SLC3A1: variants seen among roughly 807,000 people sequenced by gnomAD.
SLC3A1 encodes the protein solute carrier family 3 member 1.
A neutral mutation model predicts 60.3 loss-of-function variants in SLC3A1; 78 were observed. The ratio of observed to expected loss-of-function variants is 1.29; its 90% CI spans 1.08 to 1.56. SLC3A1 has a LOEUF of 1.56. Among genes scored for constraint, SLC3A1 ranks in the 40% most tolerant of loss-of-function variants. The pLI is 0.00. For missense variants in SLC3A1, 1,172 were observed against 858.9 expected (o/e 1.36, Z -4.56); for synonymous variants, 392 against 307.9 (o/e 1.27, Z -2.86).
intron 9 of SLC3A1, chr2:44,319,111 T>G (rs1672699388): frequency 6.6e-6 from 1 of 152,624 alleles, no homozygotes; most frequent in African/African-American, 2.4e-5. Flanking sequence ...ATCATAAATA[T>G]CTTTGTACCT....
chr2:44,278,371 C>A (rs536540250), intron 1 of SLC3A1, among the ~76,000 whole-genome samples: 148 of 152,126 alleles, frequency 9.7e-4, no homozygotes, highest in African/African-American at 3.4e-3. Context: ...TGGCGTGAAC[C>A]CAGGAGGCGG....
At chr2:44,305,427 CTTT>C (rs139686441) in intron 7 of SLC3A1, among the ~76,000 whole-genome samples, 2,670 of 115,868 alleles carry the variant, frequency 0.023, 69 homozygotes, top group African/African-American at 0.077. Flanking sequence ...TCTTTTCTTA[CTTT>C]TTTTTTTTTT....
At chr2:44,310,177 G>C (rs1010159485) in intron 7 of SLC3A1, among the ~76,000 whole-genome samples, 1 of 152,190 alleles carries the variant, frequency 6.6e-6, no homozygotes, top group Non-Finnish European at 1.5e-5. Flanking sequence ...ACAGGTGTGA[G>C]CCACTGTGCC....
At chr2:44,284,471 A>T (rs1671569019) in intron 3 of SLC3A1, among the ~76,000 whole-genome samples, 1 of 152,214 alleles carries the variant, frequency 6.6e-6, no homozygotes, top group African/African-American at 2.4e-5. Flanking sequence ...TCATTATCAA[A>T]ATGGTTGTAC....
At chr2:44,321,819 T>C (rs1255718090), downstream of SLC3A1, 3 of 1,613,710 alleles carry the variant, frequency 1.9e-6, no homozygotes, top group Admixed American at 1.7e-5. Flanking sequence ...AGGGCCTTGA[T>C]AACATACCTT....
intron 6 of SLC3A1, among the ~76,000 whole-genome samples, chr2:44,302,699 G>A (rs750349473): frequency 4.6e-5 from 7 of 152,190 alleles, no homozygotes; most frequent in Non-Finnish European, 8.8e-5. Flanking sequence ...CAATAATAAG[G>A]CAAGATGTTA....
chr2:44,303,990 G>A, intron 6 of SLC3A1, 153 bp from the exon 7 acceptor site: 1 of 717,790 alleles, frequency 1.4e-6, no homozygotes, highest in Non-Finnish European at 2.6e-6. Context: ...TTTGGTGACA[G>A]CTTGATTATG....
intron 9 of SLC3A1, chr2:44,318,080 A>G (rs1439562589): frequency 2.3e-6 from 1 of 438,800 alleles, no homozygotes; most frequent in African/African-American, 2.2e-5. Context: ...ATAATACTTA[A>G]AGGATCTCAA....
intron 8 of SLC3A1, among the ~76,000 whole-genome samples, chr2:44,313,437 A>G (rs1672348099): frequency 6.6e-6 from 1 of 152,216 alleles, no homozygotes; most frequent in African/African-American, 2.4e-5. Flanking sequence ...ATCAGGCTGA[A>G]TAAACGAGTA....
chr2:44,299,926 A>AT (rs761432607), intron 4 of SLC3A1, 45 bp from the exon 5 acceptor site: 14 of 1,607,618 alleles, frequency 8.7e-6, no homozygotes, highest in African/African-American at 1.3e-5. Context: ...CGTTGTGATA[A>AT]TAACGTAGTT....
At chr2:44,282,553 A>G (rs1480645877) in intron 3 of SLC3A1, among the ~76,000 whole-genome samples, 1 of 152,216 alleles carries the variant, frequency 6.6e-6, no homozygotes, top group Non-Finnish European at 1.5e-5. Flanking sequence ...TTTAGCAAAT[A>G]AAAATTCAGA....
intron 6 of SLC3A1, among the ~76,000 whole-genome samples, chr2:44,301,755 A>AAC (rs1672016507): frequency 6.7e-6 from 1 of 150,374 alleles, no homozygotes; most frequent in African/African-American, 2.4e-5. Context: ...AAAAAAAAAA[A>AAC]AGAACCAAAA....
Position 44,275,594 on chromosome 2 carries a change from C to T in SLC3A1, c.59C>T (p.Thr20Ile). ...SIEMSMKGCQ[T>I]NNGFVHNEDI... Reference sequence around the variant, plus strand: ...GAGATGAGTATGAAGGGATGCCAGACAAACAACGGGTTTGTCCATAATGAA... The same window carrying T: ...GAGATGAGTATGAAGGGATGCCAGATAAACAACGGGTTTGTCCATAATGAA... Residue 20 changes from threonine to isoleucine, a missense_variant, in exon 1 of 10, where the codon ACA becomes ATA. Thr to Ile is a moderately conservative substitution (Grantham distance 89, BLOSUM62 -1). Coordinates refer to ENST00000260649, the MANE Select transcript of SLC3A1 (RefSeq NM_000341.4). 1 of 1,614,138 alleles carries T rather than the reference C, an allele frequency of 6.2e-7. No homozygotes were observed. The highest frequency in any genetic ancestry group is 8.5e-7 in the Non-Finnish European group (1 of 1,180,008).
intron 7 of SLC3A1, among the ~76,000 whole-genome samples, chr2:44,311,859 C>A (rs1264162944): frequency 6.6e-6 from 1 of 152,070 alleles, no homozygotes; most frequent in Non-Finnish European, 1.5e-5. Context: ...CTTGTTTCCT[C>A]ATTTGTAAAA....
intron 4 of SLC3A1, among the ~76,000 whole-genome samples, chr2:44,288,613 A>C (rs1355431804): frequency 6.6e-6 from 1 of 152,176 alleles, no homozygotes; most frequent in African/African-American, 2.4e-5. Flanking sequence ...ATTTCCATTA[A>C]CAATGGGTAA....
rs137984437 is a variant in SLC3A1 at position 44,277,404 on chromosome 2, G to A, written c.430+1439G>A. On this transcript the variant is annotated intron_variant, in intron 1 of 9. Transcript: ENST00000260649. ...ATTACAGGCATGAGCCACCGCATCC[G>A]GCTGTATCATTCTCGTTTTAAAAAT... is the stretch of plus-strand genomic sequence containing the variant. Among the ~76,000 whole-genome samples, 919 of 152,048 alleles carry A rather than the reference G, an allele frequency of 6.0e-3. 21 individuals carry two copies. Among genetic ancestry groups the A allele is most frequent in the Middle Eastern group, 0.014 (4 of 294 alleles).
At chr2:44,305,108 T>C (rs1227802845) in intron 7 of SLC3A1, among the ~76,000 whole-genome samples, 1 of 152,126 alleles carries the variant, frequency 6.6e-6, no homozygotes, top group Non-Finnish European at 1.5e-5. Context: ...GTGCTGGGAA[T>C]ACAGGCATGA....
Position 44,313,865 on chromosome 2 carries a change from T to C in SLC3A1, c.1531T>C (p.Trp511Arg). 1 of 1,614,070 alleles carries C rather than the reference T, an allele frequency of 6.2e-7. No homozygotes were observed. Among genetic ancestry groups the C allele is most frequent in the Non-Finnish European group, 8.5e-7 (1 of 1,179,938 alleles). ...NTLRSKSPMQ[W>R]DNSSNAGFSE... ...CCTTCGCTCAAAGTCACCAATGCAG[T>C]GGGACAATAGTTCAAATGCTGGTTT... The change falls in exon 9 of 10, where the codon TGG becomes CGG. Residue 511 changes from tryptophan to arginine, a missense_variant. Transcript: ENST00000260649.
intron 7 of SLC3A1, among the ~76,000 whole-genome samples, chr2:44,310,789 G>A (rs1406024093): frequency 6.6e-6 from 1 of 151,482 alleles, no homozygotes; most frequent in Admixed American, 6.6e-5. Context: ...GTATCCCACA[G>A]GTCTCTGAGA....
Sources: gnomAD v4.1 joint callset for allele counts (sites outside exome capture counted in the v4.1 genomes callset) on GRCh38, gnomAD v4.1.1 for gene constraint, MANE v1.5 for transcripts, NCBI Gene and HGNC (gene_info 2026-07-23, HGNC 2026-07-21) for gene names.